CCDC158: variants seen among roughly 807,000 people sequenced by gnomAD.
CCDC158 encodes the protein coiled-coil domain containing 158, also known as coiled-coil domain-containing protein 158.
In CCDC158, 116 loss-of-function variants were observed where a neutral mutation model predicts 138.6. The ratio of observed to expected loss-of-function variants is 0.84; its 90% CI spans 0.72 to 0.98. The LOEUF (loss-of-function observed/expected upper bound fraction) is 0.98. Among genes scored for constraint, CCDC158 ranks in the 50% least tolerant of loss-of-function variants. The probability of loss-of-function intolerance (pLI) is 0.00; values close to 1 mark genes in which losing one functional copy is unlikely to be tolerated. For missense variants in CCDC158, 1,265 were observed against 1,306.1 expected (o/e 0.97, Z 0.48); for synonymous variants, 436 against 442.4 (o/e 0.99, Z 0.18).
At chr4:76,366,680 G>C (rs910994433) in intron 12 of CCDC158, among the ~76,000 whole-genome samples, 1 of 149,514 alleles carries the variant, frequency 6.7e-6, no homozygotes. Flanking sequence ...ATGTGAACCA[G>C]GTTTTAACAG....
At chr4:76,356,691 G>T (rs1322764577) in intron 14 of CCDC158, 1 of 152,118 alleles carries the variant, frequency 6.6e-6, no homozygotes, top group Non-Finnish European at 1.5e-5. Flanking sequence ...TCTAATTTTA[G>T]TATAAGTGCG....
At chr4:76,342,463 T>C (rs1722148267) in intron 18 of CCDC158, among the ~76,000 whole-genome samples, 1 of 152,186 alleles carries the variant, frequency 6.6e-6, no homozygotes, top group African/African-American at 2.4e-5. Context: ...TTGTGGGAAA[T>C]GAACTAATCT....
intron 11 of CCDC158, 28 bp from the exon 12 acceptor site, chr4:76,367,804 T>C (rs201713911): frequency 1.9e-6 from 3 of 1,575,340 alleles, no homozygotes; most frequent in Non-Finnish European, 2.6e-6. Context: ...GAGAATTTCA[T>C]AGATTTGGGA....
Position 76,392,982 on chromosome 4 carries a change from A to G in CCDC158, c.288+3287T>C, listed in dbSNP as rs1727445985. ...AAAATGCTGATGAAAGAAATGGAAG[A>G]GGACACTAAAAATCAGAAAGATATC... On this transcript the variant is annotated intron_variant, in intron 4 of 24. Transcript: ENST00000682701. Among the ~76,000 whole-genome samples, 3 of 152,086 alleles carry G rather than the reference A, an allele frequency of 2.0e-5. No individual in the cohort carries two copies. In the South Asian group the frequency reaches 6.2e-4, roughly 31 times the overall value.
At chr4:76,329,032 T>G (rs754667560) in intron 21 of CCDC158, 65 bp from the exon 22 acceptor site, 14 of 1,298,790 alleles carry the variant, frequency 1.1e-5, no homozygotes, top group Non-Finnish European at 1.6e-5. Flanking sequence ...GATTCATAGA[T>G]AGAAGCAAGT....
chr4:76,355,222 C>T (rs1299920628), intron 15 of CCDC158, 102 bp downstream of exon 15: 1 of 762,146 alleles, frequency 1.3e-6, no homozygotes, highest in Non-Finnish European at 2.3e-6. Flanking sequence ...AATAAGCTTT[C>T]CTTTTCCCCT....
At chr4:76,374,208 G>T (rs186121489) in intron 9 of CCDC158, among the ~76,000 whole-genome samples, 15 of 152,150 alleles carry the variant, frequency 9.9e-5, no homozygotes, top group Admixed American at 9.2e-4. Flanking sequence ...TACAGGAAAA[G>T]AAATGAAAAA....
intron 4 of CCDC158, among the ~76,000 whole-genome samples, chr4:76,386,057 G>T (rs111292483): frequency 0.029 from 4,478 of 152,282 alleles, 216 homozygotes; most frequent in African/African-American, 0.1. Context: ...ATGCAAAGAT[G>T]CATAAAATAT....
chr4:76,420,834 C>T (rs1029286885), intron 1 of CCDC158, among the ~76,000 whole-genome samples, 131 bp downstream of exon 1: 7 of 152,188 alleles, frequency 4.6e-5, no homozygotes, highest in African/African-American at 1.7e-4. Context: ...ATTTATTGGG[C>T]ATCTTCCATG....
At chr4:76,380,257 A>G (rs1726111468) in intron 8 of CCDC158, among the ~76,000 whole-genome samples, 2 of 152,172 alleles carry the variant, frequency 1.3e-5, no homozygotes, top group Non-Finnish European at 2.9e-5. Flanking sequence ...AAGACGAGGG[A>G]AAGTCTGGAA....
At chr4:76,420,035 T>C (rs989049529) in intron 1 of CCDC158, among the ~76,000 whole-genome samples, 5 of 151,180 alleles carry the variant, frequency 3.3e-5, no homozygotes, top group Admixed American at 6.6e-5. Context: ...CAATTTGTTT[T>C]GGGAGTATAA....
intron 2 of CCDC158, among the ~76,000 whole-genome samples, chr4:76,404,815 C>T (rs370424513): frequency 4.6e-5 from 7 of 151,842 alleles, no homozygotes; most frequent in Admixed American, 2.6e-4. Flanking sequence ...GCTTGAACCC[C>T]GGAGTTCAAG....
chr4:76,321,904 G>A (rs888981269), intron 24 of CCDC158, among the ~76,000 whole-genome samples: 4 of 151,104 alleles, frequency 2.6e-5, no homozygotes, highest in African/African-American at 4.9e-5. Flanking sequence ...AGTAACTCAG[G>A]AAAAGAAAAA....
chr4:76,370,596 C>T (rs1191418967), intron 10 of CCDC158, among the ~76,000 whole-genome samples: 1 of 152,092 alleles, frequency 6.6e-6, no homozygotes, highest in Non-Finnish European at 1.5e-5. Context: ...AGTAAGGAGA[C>T]TGCCATGCTT....
At chr4:76,396,942 A>G (rs10003048) in intron 3 of CCDC158, among the ~76,000 whole-genome samples, 4,475 of 152,292 alleles carry the variant, frequency 0.029, 216 homozygotes, top group African/African-American at 0.1. Context: ...CGCATGTGAA[A>G]GGATAAAGCA....
intron 2 of CCDC158, among the ~76,000 whole-genome samples, chr4:76,406,714 G>A (rs977724613): frequency 6.6e-6 from 1 of 151,898 alleles, no homozygotes; most frequent in Admixed American, 6.6e-5. Context: ...AAATTAAAAG[G>A]CCTTCTATTA....
intron 2 of CCDC158, 105 bp from the exon 3 acceptor site, chr4:76,403,385 C>A (rs892624395): frequency 4.6e-6 from 2 of 438,790 alleles, no homozygotes; most frequent in Admixed American, 4.5e-5. Context: ...GTAATAATTT[C>A]TTCTCCAGAA....
chr4:76,391,208 AG>A (rs1230643153), intron 4 of CCDC158, among the ~76,000 whole-genome samples: 1 of 152,022 alleles, frequency 6.6e-6, no homozygotes, highest in Non-Finnish European at 1.5e-5. Flanking sequence ...GAATAGACAC[AG>A]GAATGTTCTG....
chr4:76,329,852 C>T lies in CCDC158; in HGVS notation c.2943-885G>A, dbSNP rs371063988. On this transcript the variant is annotated intron_variant, in intron 21 of 24. Coordinates refer to ENST00000682701, the MANE Select transcript of CCDC158 (RefSeq NM_001394954.1). ...GTACAGTGGAGTTCTCCAGAAGCTC[C>T]ATGATAGTTGATATGCATTTAATCA... Among the ~76,000 whole-genome samples, 15 of 152,168 alleles carry T rather than the reference C, an allele frequency of 9.9e-5. No individual in the cohort carries two copies. The East Asian group carries it at 2.9e-3, about 30-fold the overall frequency.
Sources: allele counts gnomAD v4.1 joint callset (sites outside exome capture counted in the v4.1 genomes callset), GRCh38; gene constraint gnomAD v4.1.1; transcripts MANE v1.5; gene names NCBI Gene and HGNC (gene_info 2026-07-23, HGNC 2026-07-21).